The following DHX15 variants were observed in gnomAD, a reference collection of about 807,000 sequenced individuals.
DHX15 encodes DEAH-box helicase 15, also known as ATP-dependent RNA helicase DHX15.
DHX15 carries 11 observed loss-of-function variants against 94.4 expected under a neutral mutation model. The observed-to-expected ratio is 0.12, with a 90% CI of 0.07 to 0.19. The LOEUF (loss-of-function observed/expected upper bound fraction) is 0.19, where lower values mean the gene tolerates loss of function less well. Among genes scored for constraint, DHX15 ranks in the 10% least tolerant of loss-of-function variants. The pLI is 1.00. For missense variants in DHX15, 304 were observed against 988.5 expected (o/e 0.31, Z 9.29); for synonymous variants, 338 against 329.9 (o/e 1.02, Z -0.27).
intron 3 of DHX15, among the ~76,000 whole-genome samples, chr4:24,565,127 A>G (rs1382110778): frequency 6.6e-6 from 1 of 152,258 alleles, no homozygotes; most frequent in East Asian, 1.9e-4. Context: ...ACTCACAGAA[A>G]GCTAGAATGA....
rs1001949312 is a variant in DHX15 at position 24,578,361 on chromosome 4, A to G, written c.72-1683T>C. ...AAATGCCAACGAGGTGTAGTTTATA[A>G]TAAGAGTACACAGAAATGTGCCCAG... is the stretch of plus-strand genomic sequence containing the variant. On this transcript the variant is annotated intron_variant, in intron 1 of 13. Coordinates refer to ENST00000336812, the MANE Select transcript of DHX15 (RefSeq NM_001358.3). Among the ~76,000 whole-genome samples, 42 of 152,204 alleles carry G rather than the reference A, an allele frequency of 2.8e-4. 2 individuals are homozygous for G. The highest frequency in any genetic ancestry group is 5.9e-5 in the Non-Finnish European group (4 of 68,030).
In DHX15 at chr4:24,576,279, T is replaced by A; in HGVS notation, c.471A>T (p.Val157=). Residue 157 remains valine (V), a synonymous_variant, in exon 2 of 14, where the codon GTA becomes GTT. Transcript: ENST00000336812. ...TDILVRHQSF[V]LVGETGSGKT... ...TACCAGACCCAGTCTCACCAACCAG[T>A]ACAAAGGACTGATGTCTAACCAGAA... 2 of 1,614,202 alleles carry A rather than the reference T, an allele frequency of 1.2e-6. No homozygotes were observed. Among genetic ancestry groups the A allele is most frequent in the Non-Finnish European group, 8.5e-7 (1 of 1,180,026 alleles).
intron 12 of DHX15, among the ~76,000 whole-genome samples, chr4:24,531,927 A>C (rs1721092925): frequency 6.6e-6 from 1 of 152,174 alleles, no homozygotes; most frequent in African/African-American, 2.4e-5. Flanking sequence ...ATCTCCTTTG[A>C]TTTTTGATTC....
rs551163508 is a variant in DHX15 at position 24,532,780 on chromosome 4, G to C, written c.2100+84C>G. 4 of 1,051,152 alleles carry C rather than the reference G, an allele frequency of 3.8e-6. No homozygotes were observed. The African/African-American group carries it at 6.3e-5, about 17-fold the overall frequency. 65.1% of individuals were successfully genotyped at this position (1,051,152 alleles called of 1,614,324 possible). On this transcript the variant is annotated intron_variant, in intron 12 of 13. Transcript: ENST00000336812. ...TATGAGCATGCACAAACTCACTTTTGCTTTTGAGTGGATTCAAAGGACTGT... is the reference window on the plus strand; with the variant it reads ...TATGAGCATGCACAAACTCACTTTTCCTTTTGAGTGGATTCAAAGGACTGT...
chr4:24,528,163 T>C lies in DHX15; in HGVS notation c.2271-122A>G, dbSNP rs190045465. 11 of 637,724 alleles carry C rather than the reference T, an allele frequency of 1.7e-5. No homozygotes were observed. The East Asian group carries it at 2.9e-4, about 17-fold the overall frequency. 39.5% of individuals were successfully genotyped at this position (637,724 alleles called of 1,614,324 possible). ...ACCAAGGCAAATCTATGAATTCAAG[T>C]CTCAGAAAAATACAAATAACTAATC... On this transcript the variant is annotated intron_variant, in intron 13 of 13. Transcript: ENST00000336812.
chr4:24,549,751 G>A (rs1049170588), intron 5 of DHX15, among the ~76,000 whole-genome samples: 7 of 152,082 alleles, frequency 4.6e-5, no homozygotes, highest in Non-Finnish European at 8.8e-5. Context: ...GTAACACAAT[G>A]GGAAGTGTTT....
At chr4:24,569,131 G>A (rs375575467) in intron 3 of DHX15, among the ~76,000 whole-genome samples, 69 of 152,212 alleles carry the variant, frequency 4.5e-4, no homozygotes, top group African/African-American at 1.5e-3. Flanking sequence ...TCTATTTTAA[G>A]AAACTATCTC....
chr4:24,574,953 T>C (rs919557028), intron 2 of DHX15, among the ~76,000 whole-genome samples: 1 of 152,130 alleles, frequency 6.6e-6, no homozygotes, highest in African/African-American at 2.4e-5. Context: ...GGCAGGAGGA[T>C]TGCTTTAGCT....
intron 3 of DHX15, among the ~76,000 whole-genome samples, chr4:24,557,854 T>C (rs1721770172): frequency 1.3e-5 from 2 of 152,118 alleles, no homozygotes; most frequent in Admixed American, 1.3e-4. Flanking sequence ...TCTTCCGATA[T>C]ATCACAGACA....
rs1721265586 is a variant in DHX15 at position 24,539,627 on chromosome 4, C to T, written c.1786+481G>A. 4 of 152,178 alleles carry T rather than the reference C, an allele frequency of 2.6e-5. No homozygotes were observed. In the South Asian group the frequency reaches 8.3e-4, roughly 32 times the overall value. 9.4% of individuals were successfully genotyped at this position (152,178 alleles called of 1,614,324 possible). ...AATTATACATTACTATTTCTATTTA[C>T]TTGATATGAAGTTTGAAATTCATGT... On this transcript the variant is annotated intron_variant, in intron 10 of 13. Transcript: ENST00000336812.
intron 7 of DHX15, among the ~76,000 whole-genome samples, chr4:24,542,666 A>C (rs1048014609): frequency 1.3e-5 from 2 of 152,148 alleles, no homozygotes; most frequent in Non-Finnish European, 2.9e-5. Flanking sequence ...CCATACTGTT[A>C]AATGAATATA....
At chr4:24,566,653 C>G (rs1387887827) in intron 3 of DHX15, among the ~76,000 whole-genome samples, 1 of 152,054 alleles carries the variant, frequency 6.6e-6, no homozygotes, top group Non-Finnish European at 1.5e-5. Flanking sequence ...CGGTGAAACT[C>G]TGTCTCTACT....
intron 3 of DHX15, among the ~76,000 whole-genome samples, chr4:24,559,910 T>C (rs1422245849): frequency 6.6e-6 from 1 of 152,126 alleles, no homozygotes; most frequent in Non-Finnish European, 1.5e-5. Flanking sequence ...ATTAATCAAA[T>C]TAAACAAGAA....
intron 11 of DHX15, among the ~76,000 whole-genome samples, chr4:24,535,805 C>T (rs1474538326): frequency 6.6e-6 from 1 of 152,150 alleles, no homozygotes; most frequent in Non-Finnish European, 1.5e-5. Context: ...CAGAGATGTG[C>T]CAAAGTCAAC....
intron 1 of DHX15, among the ~76,000 whole-genome samples, chr4:24,576,899 C>T (rs1178276560): frequency 6.6e-6 from 1 of 152,190 alleles, no homozygotes; most frequent in Non-Finnish European, 1.5e-5. Context: ...CCTTCCTTAA[C>T]TTTTAACATT....
At position 24,537,451 on chromosome 4, in the gene DHX15, A is replaced by T. The variant is rs764296763; in HGVS notation, c.1787-278T>A. Reference sequence around the variant, plus strand: ...CAGCTATTCTGAAGGCCATCAGGATACTAAAAAGCTCAACTTATTTAAAAA... The same window carrying T: ...CAGCTATTCTGAAGGCCATCAGGATTCTAAAAAGCTCAACTTATTTAAAAA... On this transcript the variant is annotated intron_variant, in intron 10 of 13. Coordinates refer to ENST00000336812, the MANE Select transcript of DHX15 (RefSeq NM_001358.3). The surrounding 1 kb of genome is among the most constrained non-coding windows in gnomAD (Gnocchi z 4.7). The T allele has an allele frequency of 3.9e-6, 1 of 256,302 alleles. No homozygotes were observed. Among genetic ancestry groups the T allele is most frequent in the Non-Finnish European group, 7.4e-6 (1 of 135,066 alleles). 15.9% of individuals were successfully genotyped at this position (256,302 alleles called of 1,614,324 possible). A position where few individuals can be genotyped will look rare whatever the true frequency, so the allele number is the denominator to read the frequency against.
At chr4:24,559,591 A>G (rs1046202860) in intron 3 of DHX15, among the ~76,000 whole-genome samples, 1 of 152,138 alleles carries the variant, frequency 6.6e-6, no homozygotes, top group Non-Finnish European at 1.5e-5. Flanking sequence ...ATCCAGGCTA[A>G]GGAATGAGTC....
chr4:24,573,252 T>C lies in DHX15; in HGVS notation c.508-2405A>G, dbSNP rs564367666. ...AAAGCCATTCCTCCTTTTCAGCTCT[T>C]TGCTTCCTCCACTTGAGGGCATCTT... On this transcript the variant is annotated intron_variant, in intron 2 of 13. Coordinates refer to ENST00000336812, the MANE Select transcript of DHX15 (RefSeq NM_001358.3). 3.0e-4 allele frequency among the ~76,000 whole-genome samples: 45 copies of C among 152,326 alleles called. No individual in the cohort carries two copies. In the South Asian group the frequency reaches 8.9e-3, roughly 30 times the overall value.
chr4:24,577,935 T>C (rs376889141), intron 1 of DHX15, among the ~76,000 whole-genome samples: 3 of 152,310 alleles, frequency 2.0e-5, no homozygotes, highest in African/African-American at 4.8e-5. Context: ...CCGAAACATG[T>C]CATTGTTCCT....
Sources: allele counts gnomAD v4.1 joint callset (sites outside exome capture counted in the v4.1 genomes callset), GRCh38; gene constraint gnomAD v4.1.1; non-coding constraint Gnocchi (gnomAD v3.1); transcripts MANE v1.5; gene names NCBI Gene and HGNC (gene_info 2026-07-23, HGNC 2026-07-21).